The following CC2D1B variants were observed in gnomAD, a reference collection of about 807,000 sequenced individuals.
CC2D1B encodes coiled-coil and C2 domain-containing protein 1B.
In CC2D1B, 92 loss-of-function variants were observed where a neutral mutation model predicts 110.8. The ratio of observed to expected loss-of-function variants is 0.83; its 90% CI spans 0.70 to 0.99. The LOEUF (loss-of-function observed/expected upper bound fraction) is 0.99. Ranked by LOEUF, CC2D1B falls within the 50% of genes least tolerant of loss-of-function variation. The pLI is 0.00. For missense variants in CC2D1B, 1,136 were observed against 1,089.0 expected, an observed-to-expected ratio of 1.04 and a Z score of -0.61; for synonymous variants, 406 against 429.2, an observed-to-expected ratio of 0.95 and a Z score of 0.67.
At position 52,355,799 on chromosome 1, in the gene CC2D1B, GACAATGAT is replaced by G. The variant is rs1362073056; in HGVS notation, c.2092_2099del (p.Ile698ProfsTer15). 1.2e-6 allele frequency: 2 copies of G among 1,613,990 alleles called. No homozygotes were observed. Among genetic ancestry groups the G allele is most frequent in the East Asian group, 4.5e-5 (2 of 44,892 alleles). On this transcript the variant is annotated frameshift_variant, in exon 19 of 25. Transcript: ENST00000284376. LOFTEE classifies it high-confidence loss of function. ...GAGGGGCTGGGAGGTTCATTCCCCGGACAATGATCAGATGCATTTCTGTGCTGTTGAGT... is the reference window on the plus strand; with the variant it reads ...GAGGGGCTGGGAGGTTCATTCCCCGGCAGATGCATTTCTGTGCTGTTGAGT...
In CC2D1B at chr1:52,358,709, A is replaced by G. The variant is rs766351037; in HGVS notation, c.1307T>C (p.Phe436Ser). ...ACCTGGAGGAACAGGCAATTCAGCAAAGTTGACTTTCCGTCCTGCTCGGTG... is the reference window on the plus strand; with the variant it reads ...ACCTGGAGGAACAGGCAATTCAGCAGAGTTGACTTTCCGTCCTGCTCGGTG... ...RAHRAGRKVN[F>S]AELPVPPGFP... is the part of the protein sequence containing the mutation. The change falls in exon 12 of 25, where the codon TTT (phenylalanine) becomes TCT (serine). Residue 436 changes from phenylalanine to serine, a missense_variant. Phe to Ser is a radical substitution (Grantham distance 155). Transcript: ENST00000284376. 4 of 1,613,254 alleles carry G rather than the reference A, an allele frequency of 2.5e-6. No homozygotes were observed. The Admixed American group carries it at 6.7e-5, about 27-fold the overall frequency.
chr1:52,357,960 C>T (rs748806626), intron 13 of CC2D1B, 62 bp from the exon 14 acceptor site: 87 of 1,515,140 alleles, frequency 5.7e-5, no homozygotes, highest in Non-Finnish European at 7.0e-5. Flanking sequence ...ATGGCGGCTC[C>T]CAGACTTGGG....
At chr1:52,362,783 A>G in intron 2 of CC2D1B, 37 bp from the exon 3 acceptor site, 1 of 1,610,774 alleles carries the variant, frequency 6.2e-7, no homozygotes, top group Non-Finnish European at 8.5e-7. Context: ...ACCACACAAC[A>G]AGCAGGGTAG....
Position 52,357,015 on chromosome 1 carries a change from G to C in CC2D1B, c.1864C>G (p.Leu622Val). The C allele has an allele frequency of 1.9e-6, 3 of 1,560,644 alleles. No individual in the cohort carries two copies. Among genetic ancestry groups the C allele is most frequent in the Non-Finnish European group, 2.6e-6 (3 of 1,151,776 alleles). Residue 622 changes from leucine to valine, a missense_variant, in exon 16 of 25, where the codon CTG (leucine) becomes GTG (valine). By Grantham distance (32) the Leu-to-Val change is conservative. Coordinates refer to ENST00000284376, the MANE Select transcript of CC2D1B (RefSeq NM_001330585.2). ...GGCCTGCTGACCTCTTGTTGCTCCA[G>C]AAGCATTTTTTGCAGCTGGGCATAC... ...EVYAQLQKML[L>V]EQQEKCLLFS...
chr1:52,361,765 C>T (rs1473887199), intron 3 of CC2D1B, 149 bp from the exon 4 acceptor site: 1 of 982,372 alleles, frequency 1.0e-6, no homozygotes, highest in African/African-American at 1.6e-5. Context: ...CTTTAAGACC[C>T]AGTTCAAAAG....
intron 1 of CC2D1B, among the ~76,000 whole-genome samples, chr1:52,365,692 G>A (rs1646865685): frequency 6.6e-6 from 1 of 152,246 alleles, no homozygotes; most frequent in South Asian, 2.1e-4. Context: ...GCACCAAAGG[G>A]GAGGTGCACA....
chr1:52,360,732 C>A lies in CC2D1B; in HGVS notation c.478-183G>T, dbSNP rs370040106. 36 of 993,714 alleles carry A rather than the reference C, an allele frequency of 3.6e-5. No homozygotes were observed. The African/African-American group carries it at 5.1e-4, about 14-fold the overall frequency. 61.6% of individuals were successfully genotyped at this position (993,714 alleles called of 1,614,324 possible). A position where few individuals can be genotyped will look rare whatever the true frequency, so the allele number is the denominator to read the frequency against. ...CCAGAGGCCATGGCAGAGGCAAATA[C>A]AGAGCCCCACTTGGTGGAAGCCAGG... On this transcript the variant is annotated intron_variant, in intron 5 of 24. Coordinates refer to ENST00000284376, the MANE Select transcript of CC2D1B (RefSeq NM_001330585.2).
rs1428532271 is a variant in CC2D1B, at chr1:52,352,420, A to AAAG, written c.*802_*804dup. The stretch of plus-strand genomic sequence containing the variant: ...ATGTTACTGCTACCCTGGCTTTTAA[A>AAAG]AAGTGACAGGGAGCAGGACTTTAGA... On this transcript the variant is annotated 3_prime_UTR_variant, in exon 25 of 25. Coordinates refer to ENST00000284376, the MANE Select transcript of CC2D1B (RefSeq NM_001330585.2). 2 of 152,654 alleles carry AAAG rather than the reference A, an allele frequency of 1.3e-5. No individual in the cohort carries two copies. The highest frequency in any genetic ancestry group is 2.9e-5 in the Non-Finnish European group (2 of 68,036). The allele number at this position is 152,654 out of a possible 1,614,324, so 9.5% of individuals were successfully genotyped here.
chr1:52,356,212 A>C lies in CC2D1B; in HGVS notation c.2028T>G (p.Phe676Leu), dbSNP rs1646647845. ...TCACAGTCTGGAATGTCTTCAACTC[A>C]AAGTGGTGGGTGGGAGGGTCGAGGC... The part of the protein sequence containing the change: ...AQGLDPPTHH[F>L]ELKTFQTVRI... The change falls in exon 18 of 25, where the codon TTT (phenylalanine) becomes TTG (leucine). Residue 676 changes from phenylalanine to leucine, a missense_variant. Transcript: ENST00000284376. 1.2e-6 allele frequency: 2 copies of C among 1,613,940 alleles called. No individual in the cohort carries two copies. The highest frequency in any genetic ancestry group is 1.7e-6 in the Non-Finnish European group (2 of 1,179,860).
In CC2D1B at chr1:52,355,427, G is replaced by GT. The variant is rs1411997703; in HGVS notation, c.2209dup (p.Thr737AsnfsTer13). ...AGAGTTTGTGTTCTTCACCACAGCT[G>GT]TTTTGCTTTTTTGAGCCTGGTCCTA... On this transcript the variant is annotated frameshift_variant, in exon 21 of 25. Transcript: ENST00000284376. LOFTEE classifies it high-confidence loss of function. 6.2e-7 allele frequency: 1 copy of GT among 1,614,036 alleles called. No individual in the cohort carries two copies. The highest frequency in any genetic ancestry group is 8.5e-7 in the Non-Finnish European group (1 of 1,180,038).
Position 52,360,519 on chromosome 1 carries a change from G to A in CC2D1B, c.508C>T (p.Leu170=). The A allele has an allele frequency of 6.2e-7, 1 of 1,614,154 alleles. No homozygotes were observed. Among genetic ancestry groups the A allele is most frequent in the Non-Finnish European group, 8.5e-7 (1 of 1,180,036 alleles). Residue 170 remains leucine (L), a synonymous_variant, in exon 6 of 25, where the codon CTG becomes TTG. Coordinates refer to ENST00000284376, the MANE Select transcript of CC2D1B (RefSeq NM_001330585.2). ...AGASQGLHAL[L]EERIHNYREA... ...CGGTAGTTGTGAATCCGTTCCTCCAGCAAAGCGTGTAGCCCCTGAGATGCT... is the reference window on the plus strand; with the variant it reads ...CGGTAGTTGTGAATCCGTTCCTCCAACAAAGCGTGTAGCCCCTGAGATGCT...
chr1:52,358,822 GAC>G, intron 11 of CC2D1B, 64 bp from the exon 12 acceptor site: 3 of 1,513,082 alleles, frequency 2.0e-6, no homozygotes, highest in Non-Finnish European at 1.8e-6. Flanking sequence ...TGCCCAACAT[GAC>G]ACACAGTGGG....
chr1:52,354,312 C>T (rs761379897), intron 23 of CC2D1B: 5 of 593,024 alleles, frequency 8.4e-6, no homozygotes, highest in Non-Finnish European at 1.6e-5. Flanking sequence ...ACCCCCTTTC[C>T]TCTCGGACCT....
rs2147895511 is a variant in CC2D1B, at chr1:52,361,047, T to C, written c.404A>G (p.Glu135Gly). Residue 135 changes from glutamate (E) to glycine (G), a missense_variant, in exon 5 of 25, where the codon GAG becomes GGG. By Grantham distance (98) the Glu-to-Gly change is moderately conservative. Coordinates refer to ENST00000284376, the MANE Select transcript of CC2D1B (RefSeq NM_001330585.2). ...DEVADPGGSE[E>G]ENGLEDTEPP... ...TTCAGTGTCTTCTAGGCCGTTCTCCTCCTCAGAGCCGCCTGGGTCAGCTAC... is the reference window on the plus strand; with the variant it reads ...TTCAGTGTCTTCTAGGCCGTTCTCCCCCTCAGAGCCGCCTGGGTCAGCTAC... 1.2e-6 allele frequency: 2 copies of C among 1,614,102 alleles called. No individual in the cohort carries two copies. Among genetic ancestry groups the C allele is most frequent in the Non-Finnish European group, 1.7e-6 (2 of 1,180,010 alleles).
At position 52,359,806 on chromosome 1, in the gene CC2D1B, C is replaced by A; in HGVS notation, c.841G>T (p.Ala281Ser). The change falls in exon 8 of 25, where the codon GCC becomes TCC. Residue 281 changes from alanine to serine, a missense_variant. Ala to Ser is a moderately conservative substitution (Grantham distance 99, BLOSUM62 1). Coordinates refer to ENST00000284376, the MANE Select transcript of CC2D1B (RefSeq NM_001330585.2). ...TCTCTCTGTCGGGATGACAGCAGGG[C>A]CCGCGGGTCTGGGTCTAAGTCTGAA... is the stretch of plus-strand genomic sequence containing the variant. Reference protein sequence around the residue: ...PVSDLDPDPRALLSSRQREYK... With the variant: ...PVSDLDPDPRSLLSSRQREYK... 1 of 1,611,446 alleles carries A rather than the reference C, an allele frequency of 6.2e-7. No homozygotes were observed. The highest frequency in any genetic ancestry group is 8.5e-7 in the Non-Finnish European group (1 of 1,178,938).
At chr1:52,356,822 C>T (rs979915402) in intron 16 of CC2D1B, 179 bp downstream of exon 16, 2 of 679,910 alleles carry the variant, frequency 2.9e-6, no homozygotes, top group Admixed American at 6.0e-5. Context: ...TATTATCACC[C>T]CATCTCATAG....
At chr1:52,364,061 C>T (rs1443630994) in intron 2 of CC2D1B, among the ~76,000 whole-genome samples, 7 of 152,162 alleles carry the variant, frequency 4.6e-5, no homozygotes, top group Non-Finnish European at 1.0e-4. Flanking sequence ...AAGCTCTTTG[C>T]GACTTGAGTC....
intron 11 of CC2D1B, 26 bp downstream of exon 11, chr1:52,359,001 C>T (rs1468700775): frequency 6.2e-7 from 1 of 1,601,036 alleles, no homozygotes; most frequent in South Asian, 1.1e-5. Context: ...CCAGCACAGG[C>T]AGGGGCTGCA....
chr1:52,358,274 T>A, intron 13 of CC2D1B, 57 bp downstream of exon 13: 1 of 1,584,494 alleles, frequency 6.3e-7, no homozygotes. Flanking sequence ...AGGGTCTGGG[T>A]TTACCCCTCA....
Sources: gnomAD v4.1 joint callset for allele counts (sites outside exome capture counted in the v4.1 genomes callset) on GRCh38, gnomAD v4.1.1 for gene constraint, MANE v1.5 for transcripts, NCBI Gene and HGNC (gene_info 2026-07-23, HGNC 2026-07-21) for gene names.